The following MCU variants were observed in gnomAD, a reference collection of about 807,000 sequenced individuals.
MCU encodes calcium uniporter protein, mitochondrial.
In MCU, 12 loss-of-function variants were observed where a neutral mutation model predicts 45.2. The observed-to-expected ratio is 0.27, with a 90% confidence interval of 0.17 to 0.43. The LOEUF (loss-of-function observed/expected upper bound fraction) is 0.43, where lower values mean the gene tolerates loss of function less well. MCU is among the 20% of genes least tolerant of loss of function. The pLI is 1.00. For missense variants in MCU, 324 were observed against 436.7 expected (o/e 0.74, Z 2.30); for synonymous variants, 160 against 165.1 (o/e 0.97, Z 0.24).
At chr10:72,702,272 A>G (rs2132650232) in intron 1 of MCU, among the ~76,000 whole-genome samples, 1 of 151,986 alleles carries the variant, frequency 6.6e-6, no homozygotes, top group African/African-American at 2.4e-5. Context: ...AAAAAAAAAG[A>G]AGAAGAAAAA....
At chr10:72,774,345 A>G (rs1299370437) in intron 1 of MCU, among the ~76,000 whole-genome samples, 1 of 152,182 alleles carries the variant, frequency 6.6e-6, no homozygotes, top group Non-Finnish European at 1.5e-5. Context: ...TCTTTAAAAT[A>G]GCTTCTTATG....
intron 1 of MCU, among the ~76,000 whole-genome samples, chr10:72,826,420 A>G (rs942388998): frequency 6.6e-6 from 1 of 152,190 alleles, no homozygotes; most frequent in Non-Finnish European, 1.5e-5. Flanking sequence ...AGTGCTTTGT[A>G]TTTTCCTAAC....
intron 1 of MCU, among the ~76,000 whole-genome samples, chr10:72,758,784 G>C (rs1843613516): frequency 6.6e-6 from 1 of 152,032 alleles, no homozygotes; most frequent in South Asian, 2.1e-4. Flanking sequence ...TCTTGACTTT[G>C]AGAAATTTAG....
chr10:72,871,284 A>T (rs974790133), intron 5 of MCU, 93 bp from the exon 6 acceptor site: 1 of 1,090,928 alleles, frequency 9.2e-7, no homozygotes, highest in East Asian at 2.4e-5. Flanking sequence ...TGTCTTGATG[A>T]TGAGCCCTGT....
intron 1 of MCU, among the ~76,000 whole-genome samples, chr10:72,831,636 G>A (rs1236848396): frequency 1.3e-5 from 2 of 152,140 alleles, no homozygotes; most frequent in Non-Finnish European, 2.9e-5. Flanking sequence ...TAAATAATTT[G>A]TTAAGAGGTG....
At chr10:72,831,726 G>T (rs1296914834) in intron 1 of MCU, among the ~76,000 whole-genome samples, 1 of 152,166 alleles carries the variant, frequency 6.6e-6, no homozygotes, top group Non-Finnish European at 1.5e-5. Context: ...AAGTGGATGA[G>T]TAGAGCAAAT....
At chr10:72,805,814 A>G (rs1435268075) in intron 1 of MCU, among the ~76,000 whole-genome samples, 1 of 152,182 alleles carries the variant, frequency 6.6e-6, no homozygotes, top group Non-Finnish European at 1.5e-5. Flanking sequence ...ACAAACACTG[A>G]TCATCTCACG....
At position 72,861,361 on chromosome 10, in the gene MCU, T is replaced by C. The variant is rs191840398; in HGVS notation, c.496+834T>C. The stretch of plus-strand genomic sequence containing the variant: ...TTTATGGGAAAAGGAAAGGTGCTCT[T>C]CTCAGACACAAATTGTAAGAGGGCA... On this transcript the variant is annotated intron_variant, in intron 4 of 7. Transcript: ENST00000373053. Among the ~76,000 whole-genome samples the C allele has an allele frequency of 5.9e-3, 905 of 152,192 alleles. 12 individuals carry two copies. The highest frequency in any genetic ancestry group is 0.021 in the African/African-American group (853 of 41,534).
intron 2 of MCU, among the ~76,000 whole-genome samples, chr10:72,836,896 G>A (rs1198949512): frequency 6.6e-6 from 1 of 152,076 alleles, no homozygotes; most frequent in African/African-American, 2.4e-5. Context: ...GTAGAGTTTG[G>A]TCACCAGTAA....
At chr10:72,693,459 T>C (rs1011923141) in intron 1 of MCU, among the ~76,000 whole-genome samples, 3 of 152,110 alleles carry the variant, frequency 2.0e-5, no homozygotes, top group African/African-American at 7.2e-5. Context: ...CAACCCTCAA[T>C]AAACACATCG....
intron 1 of MCU, among the ~76,000 whole-genome samples, chr10:72,799,145 C>T (rs370309978): frequency 6.6e-6 from 1 of 151,954 alleles, no homozygotes; most frequent in South Asian, 2.1e-4. Flanking sequence ...AGGCTGGTCT[C>T]GAACTCCTGA....
chr10:72,838,388 AG>A (rs1844987887), intron 2 of MCU, among the ~76,000 whole-genome samples: 1 of 152,042 alleles, frequency 6.6e-6, no homozygotes, highest in South Asian at 2.1e-4. Context: ...CCAAGGCAGG[AG>A]GATCTCTTGA....
At chr10:72,838,506 G>A (rs899248749) in intron 2 of MCU, among the ~76,000 whole-genome samples, 3 of 152,142 alleles carry the variant, frequency 2.0e-5, no homozygotes, top group African/African-American at 7.2e-5. Flanking sequence ...AGCTACTTGG[G>A]AGGCTAAGGT....
chr10:72,738,733 G>A (rs977440834), intron 1 of MCU, among the ~76,000 whole-genome samples: 1 of 152,180 alleles, frequency 6.6e-6, no homozygotes, highest in Non-Finnish European at 1.5e-5. Context: ...TGAAATCTGT[G>A]AACTTTGGTA....
At chr10:72,781,398 A>T (rs936350004) in intron 1 of MCU, among the ~76,000 whole-genome samples, 6 of 152,186 alleles carry the variant, frequency 3.9e-5, no homozygotes, top group Non-Finnish European at 7.3e-5. Flanking sequence ...TCTTAGATTT[A>T]TTATTTTTAA....
At chr10:72,697,094 G>A (rs932069591) in intron 1 of MCU, among the ~76,000 whole-genome samples, 2 of 152,122 alleles carry the variant, frequency 1.3e-5, no homozygotes, top group African/African-American at 4.8e-5. Flanking sequence ...GGATAAATAT[G>A]TTTAAGAACA....
At chr10:72,766,436 A>G (rs1040310204) in intron 1 of MCU, 1 of 152,216 alleles carries the variant, frequency 6.6e-6, no homozygotes, top group Non-Finnish European at 1.5e-5. Flanking sequence ...AGTACAAAAT[A>G]TGCAAGAAAA....
At chr10:72,742,828 G>A (rs927147081) in intron 1 of MCU, among the ~76,000 whole-genome samples, 1 of 152,166 alleles carries the variant, frequency 6.6e-6, no homozygotes, top group African/African-American at 2.4e-5. Context: ...TTCTCCTGAA[G>A]ATGTAATTAG....
At chr10:72,722,956 G>A (rs943353126) in intron 1 of MCU, among the ~76,000 whole-genome samples, 3 of 152,100 alleles carry the variant, frequency 2.0e-5, no homozygotes, top group Non-Finnish European at 4.4e-5. Flanking sequence ...CAGCACTTTG[G>A]GAGGCTGAGG....
Sources: allele counts gnomAD v4.1 joint callset (sites outside exome capture counted in the v4.1 genomes callset), GRCh38; gene constraint gnomAD v4.1.1; transcripts MANE v1.5; gene names NCBI Gene and HGNC (gene_info 2026-07-23, HGNC 2026-07-21).